Variants in QTMAN observed in about 807,000 individuals in gnomAD.
QTMAN encodes the protein queuosine-tRNA mannosyltransferase, also known as tRNA-queuosine alpha-mannosyltransferase.
the QTMAN span, among the ~76,000 whole-genome samples, chr2:144,014,082 T>A: frequency 4.6e-5 from 7 of 152,184 alleles, no homozygotes; most frequent in Non-Finnish European, 4.4e-5. Context: ...AATGAGATGT[T>A]TGGAGACCAC....
chr2:144,324,740 G>A, the QTMAN span, among the ~76,000 whole-genome samples: 1 of 151,876 alleles, frequency 6.6e-6, no homozygotes, highest in East Asian at 1.9e-4. Context: ...GGAAGCTGGT[G>A]CACACTGAAA....
At chr2:144,233,836 C>T in the QTMAN span, among the ~76,000 whole-genome samples, 1 of 152,092 alleles carries the variant, frequency 6.6e-6, no homozygotes, top group Non-Finnish European at 1.5e-5. Flanking sequence ...ATACTGTCAA[C>T]AGTTTAAAAA....
At chr2:144,053,020 C>T in the QTMAN span, among the ~76,000 whole-genome samples, 5 of 152,200 alleles carry the variant, frequency 3.3e-5, no homozygotes, top group East Asian at 1.9e-4. Flanking sequence ...ACTCCACATA[C>T]ATATCGATGT....
the QTMAN span, among the ~76,000 whole-genome samples, chr2:144,054,405 G>A: frequency 9.2e-5 from 14 of 152,238 alleles, no homozygotes; most frequent in East Asian, 1.9e-3. Flanking sequence ...GATACCTTGC[G>A]GATCATTTAG....
the QTMAN span, among the ~76,000 whole-genome samples, chr2:143,955,657 CAA>C: frequency 6.6e-6 from 1 of 152,122 alleles, no homozygotes; most frequent in Non-Finnish European, 1.5e-5. Flanking sequence ...TCAACAAAAA[CAA>C]AAGTTTGGTA....
At chr2:143,957,397 A>T in the QTMAN span, 3 of 1,080,240 alleles carry the variant, frequency 2.8e-6, no homozygotes, top group Non-Finnish European at 3.8e-6. Flanking sequence ...ATGATATGAG[A>T]TGTCAGCAGT....
the QTMAN span, among the ~76,000 whole-genome samples, chr2:144,157,354 A>G: frequency 6.6e-6 from 1 of 152,026 alleles, no homozygotes; most frequent in African/African-American, 2.4e-5. Context: ...CATGTCATAG[A>G]TCACATAATG....
At chr2:144,178,787 G>T in the QTMAN span, 1 of 345,246 alleles carries the variant, frequency 2.9e-6, no homozygotes. Context: ...AAGTAAAAAG[G>T]GTTGGATACT....
At chr2:144,132,458 T>C in the QTMAN span, among the ~76,000 whole-genome samples, 5 of 152,062 alleles carry the variant, frequency 3.3e-5, no homozygotes, top group African/African-American at 4.8e-5. Flanking sequence ...ACTAAACAAC[T>C]AGAATTACTT....
chr2:144,313,239 C>T, the QTMAN span, among the ~76,000 whole-genome samples: 12 of 152,256 alleles, frequency 7.9e-5, no homozygotes, highest in African/African-American at 1.2e-4. Context: ...CTCCTATATG[C>T]GGGAAACAGG....
chr2:144,297,317 C>T, the QTMAN span, among the ~76,000 whole-genome samples: 1 of 152,192 alleles, frequency 6.6e-6, no homozygotes, highest in East Asian at 1.9e-4. Flanking sequence ...AGCTTGACCA[C>T]GGAGAAACAA....
the QTMAN span, among the ~76,000 whole-genome samples, chr2:143,954,062 T>C: frequency 6.6e-6 from 1 of 151,914 alleles, no homozygotes; most frequent in Admixed American, 6.6e-5. Flanking sequence ...CAGGTTCTGG[T>C]TACCAATTAT....
chr2:144,123,357 C>A, the QTMAN span, among the ~76,000 whole-genome samples: 2 of 152,080 alleles, frequency 1.3e-5, no homozygotes, highest in Admixed American at 6.6e-5. Context: ...GTCTGTCAGT[C>A]CTTTTTCACT....
At chr2:144,290,284 TC>T in the QTMAN span, among the ~76,000 whole-genome samples, 41 of 152,164 alleles carry the variant, frequency 2.7e-4, no homozygotes, top group Admixed American at 1.4e-3. Context: ...CCAAACTTTC[TC>T]TCATACCCCA....
the QTMAN span, among the ~76,000 whole-genome samples, chr2:144,119,813 T>C: frequency 6.6e-6 from 1 of 152,140 alleles, no homozygotes; most frequent in Non-Finnish European, 1.5e-5. Flanking sequence ...CTTCACTAGA[T>C]CCTGTGCCTC....
the QTMAN span, among the ~76,000 whole-genome samples, chr2:144,158,524 C>T: frequency 6.6e-6 from 1 of 151,708 alleles, no homozygotes; most frequent in African/African-American, 2.4e-5. Flanking sequence ...ATACATGAGG[C>T]TAAAAACTAT....
chr2:144,309,226 C>T, the QTMAN span, among the ~76,000 whole-genome samples: 1 of 152,146 alleles, frequency 6.6e-6, no homozygotes, highest in East Asian at 1.9e-4. Flanking sequence ...CAAAGTTAAG[C>T]ATAAACTTAC....
At chr2:144,307,980 CTAAT>C in the QTMAN span, among the ~76,000 whole-genome samples, 1 of 152,054 alleles carries the variant, frequency 6.6e-6, no homozygotes. Context: ...AGCCGATTCT[CTAAT>C]TGATATGGAA....
chr2:144,302,114 C>T, the QTMAN span, among the ~76,000 whole-genome samples: 1 of 152,106 alleles, frequency 6.6e-6, no homozygotes, highest in Non-Finnish European at 1.5e-5. Flanking sequence ...TCCTCCTCTA[C>T]CTACAATGGC....
Sources: gnomAD v4.1 joint callset for allele counts (sites outside exome capture counted in the v4.1 genomes callset) on GRCh38, gnomAD v4.1.1 for gene constraint, MANE v1.5 for transcripts, NCBI Gene and HGNC (gene_info 2026-07-23, HGNC 2026-07-21) for gene names.